Variants in STT3B observed in about 807,000 individuals in gnomAD.
The protein encoded by STT3B is dolichyl-diphosphooligosaccharide--protein glycosyltransferase subunit STT3B.
Under a neutral mutation model 96.8 loss-of-function variants are expected in STT3B, and 29 were observed. The ratio of observed to expected loss-of-function variants is 0.30; its 90% CI spans 0.22 to 0.41. The LOEUF (loss-of-function observed/expected upper bound fraction) is 0.41, where lower values mean the gene tolerates loss of function less well. Ranked by LOEUF, STT3B falls within the 10% of genes least tolerant of loss-of-function variation. STT3B has a pLI of 1.00. For synonymous variants in STT3B, 367 were observed against 360.0 expected (o/e 1.02, Z -0.22); for missense variants, 640 against 1,022.3 (o/e 0.63, Z 5.10).
chr3:31,533,165 C>T lies in STT3B; in HGVS notation c.167C>T (p.Ala56Val), dbSNP rs1696985398. 2 of 1,330,212 alleles carry T rather than the reference C, an allele frequency of 1.5e-6. No homozygotes were observed. The highest frequency in any genetic ancestry group is 1.9e-6 in the Non-Finnish European group (2 of 1,035,846). 82.4% of individuals were successfully genotyped at this position (1,330,212 alleles called of 1,614,324 possible). The change falls in exon 1 of 16, where the codon GCG (alanine) becomes GTG (valine). Residue 56 changes from alanine (A) to valine (V), a missense_variant. Ala to Val is a moderately conservative substitution (Grantham distance 64, BLOSUM62 0). Coordinates refer to ENST00000295770, the MANE Select transcript of STT3B (RefSeq NM_178862.3). ...GCGGCGCCGCCGAAGCCGGCCCCGG[C>T]GGGGCTGTCCGGGGGGCTGTCGCAG... ...GGAAPPKPAP[A>V]GLSGGLSQPA... is the part of the protein sequence containing the mutation.
intron 5 of STT3B, among the ~76,000 whole-genome samples, chr3:31,612,118 T>C (rs1699195640): frequency 6.6e-6 from 1 of 152,242 alleles, no homozygotes; most frequent in Non-Finnish European, 1.5e-5. Flanking sequence ...GAGCGTTTCC[T>C]GTTTTGCATT....
At chr3:31,542,392 T>C (rs2125435546) in intron 1 of STT3B, among the ~76,000 whole-genome samples, 1 of 152,330 alleles carries the variant, frequency 6.6e-6, no homozygotes, top group Non-Finnish European at 1.5e-5. Flanking sequence ...AGATTGTCAA[T>C]CCTGGTTTTG....
chr3:31,610,480 C>CTGCAG (rs1699158823), intron 5 of STT3B, among the ~76,000 whole-genome samples: 1 of 151,402 alleles, frequency 6.6e-6, no homozygotes, highest in Non-Finnish European at 1.5e-5. Flanking sequence ...TCAATGTAAG[C>CTGCAG]TGCAATGCCT....
intron 7 of STT3B, 96 bp from the exon 8 acceptor site, chr3:31,617,844 T>G (rs957343019): frequency 9.4e-6 from 8 of 846,620 alleles, no homozygotes; most frequent in Non-Finnish European, 1.4e-5. Context: ...GAACATTAGT[T>G]TGTCTATCTA....
At chr3:31,591,341 G>A (rs1449713409) in intron 3 of STT3B, among the ~76,000 whole-genome samples, 1 of 151,904 alleles carries the variant, frequency 6.6e-6, no homozygotes, top group Admixed American at 6.6e-5. Context: ...TTGTATCTCT[G>A]GATTTTAAAA....
chr3:31,591,194 T>C (rs1202110503), intron 3 of STT3B, among the ~76,000 whole-genome samples: 4 of 152,104 alleles, frequency 2.6e-5, no homozygotes, highest in Admixed American at 6.6e-5. Flanking sequence ...ATTTTCCTGG[T>C]ATATTGACCC....
At chr3:31,600,729 A>G (rs1698909706) in intron 5 of STT3B, among the ~76,000 whole-genome samples, 1 of 151,438 alleles carries the variant, frequency 6.6e-6, no homozygotes. Flanking sequence ...AATTTTGGGG[A>G]ATGGGAATTT....
chr3:31,587,510 T>G (rs1698569195), intron 3 of STT3B, among the ~76,000 whole-genome samples: 1 of 152,056 alleles, frequency 6.6e-6, no homozygotes, highest in African/African-American at 2.4e-5. Flanking sequence ...TCCCAAAGTG[T>G]GAGCGACCTT....
chr3:31,594,929 G>C (rs929621762), intron 3 of STT3B, among the ~76,000 whole-genome samples: 1 of 152,182 alleles, frequency 6.6e-6, no homozygotes, highest in Non-Finnish European at 1.5e-5. Flanking sequence ...CTGGTACATG[G>C]ATGAGTTCTT....
intron 1 of STT3B, among the ~76,000 whole-genome samples, chr3:31,536,872 T>G (rs1215266397): frequency 1.3e-5 from 2 of 152,268 alleles, no homozygotes; most frequent in East Asian, 3.8e-4. Flanking sequence ...AAAATGTGTT[T>G]TCTACATATT....
At chr3:31,630,504 A>G (rs933624866) in intron 14 of STT3B, among the ~76,000 whole-genome samples, 13 of 152,216 alleles carry the variant, frequency 8.5e-5, no homozygotes, top group African/African-American at 2.9e-4. Flanking sequence ...GTTCCTTTTC[A>G]TTGAGGTTTC....
chr3:31,536,694 T>A (rs1697107250), intron 1 of STT3B, among the ~76,000 whole-genome samples: 1 of 152,212 alleles, frequency 6.6e-6, no homozygotes, highest in Admixed American at 6.5e-5. Flanking sequence ...TTTTTAACAT[T>A]TAGCAACATT....
chr3:31,576,128 C>T (rs1698258197), intron 1 of STT3B, among the ~76,000 whole-genome samples: 1 of 151,958 alleles, frequency 6.6e-6, no homozygotes, highest in Non-Finnish European at 1.5e-5. Context: ...TTATGAACTT[C>T]TTTATAGCCC....
At chr3:31,550,333 A>G (rs1317304205) in intron 1 of STT3B, among the ~76,000 whole-genome samples, 1 of 152,160 alleles carries the variant, frequency 6.6e-6, no homozygotes, top group African/African-American at 2.4e-5. Context: ...CCTTTAAACA[A>G]CCTTTGGTTT....
intron 1 of STT3B, among the ~76,000 whole-genome samples, chr3:31,534,041 C>T (rs1311133316): frequency 6.6e-6 from 1 of 152,148 alleles, no homozygotes; most frequent in Non-Finnish European, 1.5e-5. Flanking sequence ...CTCTTAAGTG[C>T]ACTCAGCACC....
At chr3:31,535,336 AT>A (rs879872078) in intron 1 of STT3B, among the ~76,000 whole-genome samples, 410 of 143,712 alleles carry the variant, frequency 2.9e-3, no homozygotes, top group Middle Eastern at 7.4e-3. Context: ...TATTTTTATT[AT>A]TTTTTTTTTT....
chr3:31,578,368 G>A (rs532742433), intron 2 of STT3B, among the ~76,000 whole-genome samples: 4 of 151,900 alleles, frequency 2.6e-5, no homozygotes, highest in Admixed American at 6.6e-5. Context: ...TTCATTTTTG[G>A]CATCTGGAGA....
chr3:31,630,735 C>T lies in STT3B; in HGVS notation c.2187+1324C>T, dbSNP rs1220576954. ...CTGGGGATCAAGATAACTATCAAAA[C>T]TAAAGGGGTGTGTTTGGACCTCAAT... On this transcript the variant is annotated intron_variant, in intron 14 of 15. Transcript: ENST00000295770. Among the ~76,000 whole-genome samples, 8 of 152,034 alleles carry T rather than the reference C, an allele frequency of 5.3e-5. No individual in the cohort carries two copies. The South Asian group carries it at 1.5e-3, about 28-fold the overall frequency.
At chr3:31,539,020 C>T (rs1209171341) in intron 1 of STT3B, among the ~76,000 whole-genome samples, 1 of 152,062 alleles carries the variant, frequency 6.6e-6, no homozygotes, top group Admixed American at 6.6e-5. Context: ...CAGAGGCTCC[C>T]ATATTTAGGT....
Sources: allele counts gnomAD v4.1 joint callset (sites outside exome capture counted in the v4.1 genomes callset), GRCh38; gene constraint gnomAD v4.1.1; transcripts MANE v1.5; gene names NCBI Gene and HGNC (gene_info 2026-07-23, HGNC 2026-07-21).